RPS6KA6: variants seen among roughly 807,000 people sequenced by gnomAD.
RPS6KA6 encodes the protein ribosomal protein S6 kinase A6.
RPS6KA6 carries 27 observed loss-of-function variants against 65.4 expected under a neutral mutation model. The ratio of observed to expected loss-of-function variants is 0.41; its 90% CI spans 0.30 to 0.57. The LOEUF is 0.57. Among genes scored for constraint, RPS6KA6 ranks in the 20% least tolerant of loss-of-function variants. The pLI is 0.24. For synonymous variants in RPS6KA6, 190 were observed against 184.2 expected (o/e 1.03, Z -0.26); for missense variants, 486 against 555.6 (o/e 0.87, Z 1.26).
At chrX:84,114,146 T>C (rs2034521253) in intron 12 of RPS6KA6, among the ~76,000 whole-genome samples, 3 of 110,964 alleles carry the variant, frequency 2.7e-5, no homozygotes, top group African/African-American at 9.8e-5. Flanking sequence ...AATGGACAAA[T>C]GGAGAAACAT....
At chrX:84,119,722 AT>A (rs1214743931) in intron 9 of RPS6KA6, among the ~76,000 whole-genome samples, 162 bp downstream of exon 9, 1 of 111,408 alleles carries the variant, frequency 9.0e-6, no homozygotes, top group African/African-American at 3.3e-5. Flanking sequence ...CAAAATCTTA[AT>A]TTTTATTGTG....
chrX:84,155,506 T>C (rs2035400987), intron 3 of RPS6KA6, among the ~76,000 whole-genome samples: 1 of 112,094 alleles, frequency 8.9e-6, no homozygotes, highest in African/African-American at 3.2e-5. Context: ...ACAACTTTAG[T>C]AACGACTATA....
Position 84,104,558 on chromosome X carries a change from C to T in RPS6KA6, c.1555G>A (p.Glu519Lys). 2.5e-6 allele frequency: 3 copies of T among 1,187,944 alleles called. No individual in the cohort carries two copies. Among genetic ancestry groups the T allele is most frequent in the South Asian group, 3.7e-5 (2 of 53,343 alleles). Residue 519 changes from glutamate to lysine, a missense_variant, in exon 17 of 22, where the codon GAG (glutamate) becomes AAG (lysine). By Grantham distance (56) the Glu-to-Lys change is moderately conservative. Coordinates refer to ENST00000262752, the MANE Select transcript of RPS6KA6 (RefSeq NM_014496.5). Reference sequence around the variant, plus strand: ...ATTACATATAGTATATCACTAGCCTCCCGTTCCGAGAAACATTTTTGTTTG... The same window carrying T: ...ATTACATATAGTATATCACTAGCCTTCCGTTCCGAGAAACATTTTTGTTTG... ...ILKQKCFSER[E>K]ASDILYVISK... is the part of the protein sequence containing the mutation.
intron 20 of RPS6KA6, among the ~76,000 whole-genome samples, chrX:84,076,115 G>A (rs890821857): frequency 8.9e-6 from 1 of 111,988 alleles, no homozygotes; most frequent in Admixed American, 9.5e-5. Context: ...GCTCACTCAA[G>A]AAGAAACAAC....
chrX:84,098,154 T>C (rs868200276), intron 18 of RPS6KA6, among the ~76,000 whole-genome samples: 5 of 111,060 alleles, frequency 4.5e-5, no homozygotes, highest in African/African-American at 1.3e-4. Flanking sequence ...TATTCCAATT[T>C]TGAAGATGAG....
At chrX:84,179,587 TGCTGAATGAC>T in intron 1 of RPS6KA6, among the ~76,000 whole-genome samples, 1 of 111,909 alleles carries the variant, frequency 8.9e-6, no homozygotes, top group Non-Finnish European at 1.9e-5. Context: ...GATATGAAGT[TGCTGAATGAC>T]CATGTCTTTT....
chrX:84,079,771 T>C (rs2033749897), intron 20 of RPS6KA6, among the ~76,000 whole-genome samples: 1 of 112,255 alleles, frequency 8.9e-6, no homozygotes, highest in African/African-American at 3.2e-5. Flanking sequence ...AGACTGCCTC[T>C]CTAGATTCCT....
In RPS6KA6 at chrX:84,167,023, A is replaced by G. The variant is rs187800095; in HGVS notation, c.82-2636T>C. 9.3e-4 allele frequency among the ~76,000 whole-genome samples: 104 copies of G among 111,446 alleles called. 1 individual carries two copies. In the South Asian group the frequency reaches 0.011, roughly 12 times the overall value. ...TTTCAAGAAGTTCAGTAAATCCCAA[A>G]CAGAATAAAATTAAAGAAATCCACC... On this transcript the variant is annotated intron_variant, in intron 1 of 21. Transcript: ENST00000262752.
chrX:84,084,560 T>C (rs2033875842), intron 20 of RPS6KA6, among the ~76,000 whole-genome samples: 1 of 112,162 alleles, frequency 8.9e-6, no homozygotes, highest in African/African-American at 3.2e-5. Flanking sequence ...TCTGTTCCAT[T>C]GGTCTATGTG....
At position 84,117,100 on chromosome X, in the gene RPS6KA6, A is replaced by G; in HGVS notation, c.909T>C (p.Leu303=). The change falls in exon 11 of 22, where the codon CTT becomes CTC. Residue 303 remains leucine (L), a synonymous_variant. Transcript: ENST00000262752. ...GATTCCTTTTGAATAACATCCTTAGAAGACTTTGTGCTTCAGCACTAAGAA... is the reference window on the plus strand; with the variant it reads ...GATTCCTTTTGAATAACATCCTTAGGAGACTTTGTGCTTCAGCACTAAGAA... ...PQFLSAEAQS[L]LRMLFKRNPA... 8.4e-7 allele frequency: 1 copy of G among 1,191,684 alleles called. No individual in the cohort carries two copies. Among genetic ancestry groups the G allele is most frequent in the Non-Finnish European group, 1.1e-6 (1 of 884,156 alleles).
At chrX:84,102,845 T>C (rs1201542854) in intron 17 of RPS6KA6, among the ~76,000 whole-genome samples, 1 of 110,678 alleles carries the variant, frequency 9.0e-6, no homozygotes, top group Non-Finnish European at 1.9e-5. Flanking sequence ...ACCTTCTGGC[T>C]TAGAGGACCA....
At chrX:84,080,560 T>A (rs1231018543) in intron 20 of RPS6KA6, among the ~76,000 whole-genome samples, 1 of 95,215 alleles carries the variant, frequency 1.1e-5, no homozygotes, top group East Asian at 3.5e-4. Flanking sequence ...CTGTCAATAT[T>A]AGATCAACAC....
At chrX:84,099,271 G>GA (rs1228360871) in intron 18 of RPS6KA6, among the ~76,000 whole-genome samples, 3 of 111,244 alleles carry the variant, frequency 2.7e-5, no homozygotes, top group African/African-American at 9.8e-5. Flanking sequence ...AGGTAAAGAA[G>GA]AAACAGTCCA....
chrX:84,104,630 G>T lies in RPS6KA6; in HGVS notation c.1483C>A (p.Leu495Ile), dbSNP rs1388823489. ...DVFDDGRYVY[L>I]VTDLMKGGEL... ...CCTCCTTTCATTAAATCCGTAACAA[G>T]GTAAACATATCTACCATCATCAAAG... The change falls in exon 17 of 22, where the codon CTT becomes ATT. Residue 495 changes from leucine (L) to isoleucine (I), a missense_variant. By Grantham distance (5) the Leu-to-Ile change is conservative (BLOSUM62 2). Around this residue, in one of 3 missense-constraint regions of RPS6KA6, gnomAD observed 345 missense variants for 375.0 expected, o/e 0.92. Coordinates refer to ENST00000262752, the MANE Select transcript of RPS6KA6 (RefSeq NM_014496.5). 1 of 1,161,495 alleles carries T rather than the reference G, an allele frequency of 8.6e-7. No homozygotes were observed. Among genetic ancestry groups the T allele is most frequent in the Non-Finnish European group, 1.2e-6 (1 of 868,051 alleles).
intron 1 of RPS6KA6, among the ~76,000 whole-genome samples, chrX:84,167,127 C>T (rs2035609275): frequency 9.0e-6 from 1 of 111,358 alleles, no homozygotes; most frequent in Non-Finnish European, 1.9e-5. Flanking sequence ...AGAAAAACCA[C>T]ACATTACATA....
At chrX:84,102,911 G>C (rs1300816989) in intron 17 of RPS6KA6, among the ~76,000 whole-genome samples, 3 of 110,736 alleles carry the variant, frequency 2.7e-5, no homozygotes, top group African/African-American at 9.8e-5. Flanking sequence ...ATAAAGGAAA[G>C]AGCCAGAACT....
At chrX:84,113,950 C>T (rs1419888905) in intron 12 of RPS6KA6, among the ~76,000 whole-genome samples, 1 of 111,852 alleles carries the variant, frequency 8.9e-6, no homozygotes, top group Non-Finnish European at 1.9e-5. Flanking sequence ...ATAAAATCAA[C>T]ATACAAAAAT....
intron 1 of RPS6KA6, chrX:84,186,016 C>A (rs975090730): frequency 3.9e-6 from 2 of 507,091 alleles, no homozygotes; most frequent in Non-Finnish European, 7.1e-6. Flanking sequence ...CCAATCATAA[C>A]TGTTTTAGAG....
chrX:84,184,574 C>A (rs756533802), intron 1 of RPS6KA6, among the ~76,000 whole-genome samples: 7 of 111,057 alleles, frequency 6.3e-5, no homozygotes, highest in Non-Finnish European at 1.3e-4. Flanking sequence ...GACAAGAACC[C>A]AGATTTACCT....
Sources: allele counts gnomAD v4.1 joint callset (sites outside exome capture counted in the v4.1 genomes callset), GRCh38; gene constraint gnomAD v4.1.1; regional missense constraint gnomAD v4.1.1; transcripts MANE v1.5; gene names NCBI Gene and HGNC (gene_info 2026-07-23, HGNC 2026-07-21).